The following CPLX1 variants were observed in gnomAD, a reference collection of about 807,000 sequenced individuals.
CPLX1 encodes complexin-1.
CPLX1 carries 6 observed loss-of-function variants against 15.6 expected under a neutral mutation model. The observed-to-expected ratio is 0.39, with a 90% CI of 0.21 to 0.76. The LOEUF (loss-of-function observed/expected upper bound fraction) is 0.76. CPLX1 is among the 30% of genes least tolerant of loss of function. The pLI is 0.43. For missense variants in CPLX1, 242 were observed against 188.6 expected (o/e 1.28, Z -1.66); for synonymous variants, 91 against 75.2 (o/e 1.21, Z -1.08).
intron 2 of CPLX1, among the ~76,000 whole-genome samples, chr4:817,592 A>C (rs939855211): frequency 2.0e-5 from 3 of 152,124 alleles, no homozygotes; most frequent in African/African-American, 7.2e-5. Context: ...GGAGACTCCT[A>C]GGCAAAAATT....
intron 2 of CPLX1, among the ~76,000 whole-genome samples, chr4:821,322 CAG>C (rs1474861375): frequency 1.3e-5 from 2 of 152,158 alleles, no homozygotes; most frequent in Non-Finnish European, 2.9e-5. Context: ...CTGGGGCAGT[CAG>C]AGGCTCTCCT....
At chr4:810,694 CTTTTTCTTTTTTT>C in intron 2 of CPLX1, among the ~76,000 whole-genome samples, 3 of 151,344 alleles carry the variant, frequency 2.0e-5, no homozygotes, top group Admixed American at 2.0e-4. Context: ...TTTCTTTTTT[CTTTTTCTTTTTTT>C]TTTTTCGAGA....
chr4:816,561 C>A (rs1200859172), intron 2 of CPLX1, among the ~76,000 whole-genome samples: 2 of 152,116 alleles, frequency 1.3e-5, no homozygotes, highest in Non-Finnish European at 2.9e-5. Context: ...CAAAACAATG[C>A]AGTATCTCAA....
At chr4:824,983 G>C (rs1209642841) in intron 1 of CPLX1, 1 of 358,070 alleles carries the variant, frequency 2.8e-6, no homozygotes, top group African/African-American at 2.1e-5. Context: ...CCCGAGCCCA[G>C]GGCCGTGGAG....
At chr4:791,294 G>T (rs1012035892) in intron 3 of CPLX1, among the ~76,000 whole-genome samples, 1 of 150,986 alleles carries the variant, frequency 6.6e-6, no homozygotes, top group African/African-American at 2.4e-5. Flanking sequence ...ATGCCAGGGC[G>T]CCCGGCCCCC....
chr4:787,457 T>C (rs1158941560), intron 3 of CPLX1: 1 of 900,080 alleles, frequency 1.1e-6, no homozygotes, highest in African/African-American at 1.8e-5. Context: ...CAGGTCTTTG[T>C]TGATCTCATA....
intron 2 of CPLX1, among the ~76,000 whole-genome samples, chr4:820,245 T>TCAGCC (rs908926936): frequency 6.6e-6 from 1 of 152,220 alleles, no homozygotes; most frequent in African/African-American, 2.4e-5. Context: ...CGGACCCAGC[T>TCAGCC]CAGCCCAGCC....
At chr4:793,482 G>A (rs993470609) in intron 2 of CPLX1, among the ~76,000 whole-genome samples, 1 of 152,216 alleles carries the variant, frequency 6.6e-6, no homozygotes, top group African/African-American at 2.4e-5. Flanking sequence ...GGACAGATAT[G>A]CATAATTACG....
In CPLX1 at chr4:820,116, A is replaced by G. The variant is rs529997969; in HGVS notation, c.31+4376T>C. Among the ~76,000 whole-genome samples, 7 of 151,326 alleles carry G rather than the reference A, an allele frequency of 4.6e-5. No homozygotes were observed. In the South Asian group the frequency reaches 6.3e-4, roughly 14 times the overall value. On this transcript the variant is annotated intron_variant, in intron 2 of 3. Transcript: ENST00000304062. ...CAGCCTGCAGCTCCACCGTCCTCCCAGGTCCAGCTCAGCCCAGCCTGCAGC... is the reference window on the plus strand; with the variant it reads ...CAGCCTGCAGCTCCACCGTCCTCCCGGGTCCAGCTCAGCCCAGCCTGCAGC...
chr4:804,132 G>A (rs902778087), intron 2 of CPLX1, among the ~76,000 whole-genome samples: 7 of 152,228 alleles, frequency 4.6e-5, no homozygotes, highest in Non-Finnish European at 7.3e-5. Context: ...GCTTGTGAAG[G>A]GAGATTCCAT....
chr4:816,993 G>A (rs558130524), intron 2 of CPLX1, among the ~76,000 whole-genome samples: 1 of 152,248 alleles, frequency 6.6e-6, no homozygotes, highest in South Asian at 2.1e-4. Flanking sequence ...CACTGCAGAG[G>A]TTTTAAAGAG....
intron 2 of CPLX1, among the ~76,000 whole-genome samples, chr4:812,825 T>C (rs1746688335): frequency 6.6e-6 from 1 of 152,128 alleles, no homozygotes; most frequent in Non-Finnish European, 1.5e-5. Context: ...CCTGCTCTAA[T>C]GCTGGCTATC....
In CPLX1 at chr4:818,729, G is replaced by T. The variant is rs538801010; in HGVS notation, c.31+5763C>A. Among the ~76,000 whole-genome samples, 236 of 152,380 alleles carry T rather than the reference G, an allele frequency of 1.5e-3. 1 individual carries two copies. Among genetic ancestry groups the T allele is most frequent in the African/African-American group, 5.3e-3 (221 of 41,594 alleles). On this transcript the variant is annotated intron_variant, in intron 2 of 3. Coordinates refer to ENST00000304062, the MANE Select transcript of CPLX1 (RefSeq NM_006651.4). ...CTGCCGCCGAGCTTGGCACTGTTTG[G>T]GTCACTTATTGGCACGTCCACCTCG... is the stretch of plus-strand genomic sequence containing the variant.
intron 3 of CPLX1, among the ~76,000 whole-genome samples, chr4:789,158 C>T (rs1032413826): frequency 2.0e-5 from 3 of 152,204 alleles, no homozygotes; most frequent in South Asian, 2.1e-4. Context: ...AAACAGGCTC[C>T]GGGGCTGGGC....
chr4:804,875 G>C (rs1746525710), intron 2 of CPLX1: 1 of 985,170 alleles, frequency 1.0e-6, no homozygotes, highest in African/African-American at 1.7e-5. Context: ...GTGGGCGGCG[G>C]CAGCCATTTT....
chr4:793,589 G>C (rs915462397), intron 2 of CPLX1, among the ~76,000 whole-genome samples: 4 of 152,222 alleles, frequency 2.6e-5, no homozygotes, highest in Non-Finnish European at 5.9e-5. Context: ...GTGTCACTGA[G>C]GGAGGTGACT....
Position 786,558 on chromosome 4 carries a change from G to T in CPLX1, c.348C>A (p.Ile116=). Residue 116 remains isoleucine (I), a synonymous_variant, in exon 4 of 4, where the codon ATC becomes ATA. Coordinates refer to ENST00000304062, the MANE Select transcript of CPLX1 (RefSeq NM_006651.4). ...GDEVEEEDES[I]LDTVIKYLPG... is the part of the protein sequence containing the mutation. ...GCAGGTACTTGATGACGGTGTCCAG[G>T]ATGCTCTCGTCCTCCTCCTCCACCT... is the stretch of plus-strand genomic sequence containing the variant. 5.6e-6 allele frequency: 9 copies of T among 1,609,416 alleles called. No homozygotes were observed. Among genetic ancestry groups the T allele is most frequent in the Non-Finnish European group, 7.6e-6 (9 of 1,178,068 alleles).
chr4:792,333 C>G (rs1047136926), intron 3 of CPLX1, 100 bp downstream of exon 3: 29 of 1,185,006 alleles, frequency 2.4e-5, no homozygotes, highest in Non-Finnish European at 3.3e-5. Context: ...CAGGGGGACG[C>G]CCGCCCCTCT....
At chr4:803,280 A>G (rs1348951861) in intron 2 of CPLX1, among the ~76,000 whole-genome samples, 1 of 152,252 alleles carries the variant, frequency 6.6e-6, no homozygotes, top group Non-Finnish European at 1.5e-5. Context: ...AGTGAAGCGC[A>G]TGAAAAGATA....
Sources: gnomAD v4.1 joint callset for allele counts (sites outside exome capture counted in the v4.1 genomes callset) on GRCh38, gnomAD v4.1.1 for gene constraint, MANE v1.5 for transcripts, NCBI Gene and HGNC (gene_info 2026-07-23, HGNC 2026-07-21) for gene names.